NOX4: variants seen among roughly 807,000 people sequenced by gnomAD.
NOX4 encodes the protein kidney oxidase-1.
A neutral mutation model predicts 87.6 loss-of-function variants in NOX4; 69 were observed. The ratio of observed to expected loss-of-function variants is 0.79; its 90% CI spans 0.65 to 0.96. The LOEUF (loss-of-function observed/expected upper bound fraction) is 0.96. NOX4 is among the 40% of genes least tolerant of loss of function. The pLI, the probability that NOX4 is intolerant of heterozygous loss-of-function variation, is 0.00. For synonymous variants in NOX4, 275 were observed against 238.2 expected (o/e 1.15, Z -1.42); for missense variants, 680 against 681.5 (o/e 1.00, Z 0.02).
upstream of NOX4, chr11:89,491,474 T>G (rs1365889972): frequency 1.2e-5 from 6 of 509,662 alleles, no homozygotes; most frequent in Non-Finnish European, 2.1e-5. Flanking sequence ...CCGGGTCAGC[T>G]CTGCCCACTC....
chr11:89,403,640 G>A (rs1190843356), intron 8 of NOX4, among the ~76,000 whole-genome samples: 1 of 152,100 alleles, frequency 6.6e-6, no homozygotes, highest in Non-Finnish European at 1.5e-5. Context: ...TACTTGGGAG[G>A]CTGAGGCAGG....
At chr11:89,574,081 T>C in the NOX4 span, among the ~76,000 whole-genome samples, 1 of 152,088 alleles carries the variant, frequency 6.6e-6, no homozygotes, top group Non-Finnish European at 1.5e-5. Flanking sequence ...GGTAAGGAGG[T>C]TGTCTCTCCC....
intron 8 of NOX4, among the ~76,000 whole-genome samples, chr11:89,403,960 A>G (rs1184896567): frequency 6.6e-6 from 1 of 151,984 alleles, no homozygotes; most frequent in Non-Finnish European, 1.5e-5. Flanking sequence ...CTTCCTTAAA[A>G]CTAGTCATCA....
At chr11:89,368,846 T>C (rs1182143501) in intron 12 of NOX4, among the ~76,000 whole-genome samples, 1 of 152,042 alleles carries the variant, frequency 6.6e-6, no homozygotes, top group Non-Finnish European at 1.5e-5. Context: ...TCTCAAGCCC[T>C]AGGAGGTAAC....
the NOX4 span, among the ~76,000 whole-genome samples, chr11:89,562,713 C>T: frequency 6.6e-6 from 1 of 152,110 alleles, no homozygotes; most frequent in Non-Finnish European, 1.5e-5. Context: ...GAAGAATGGG[C>T]TCCTCCTTCT....
the NOX4 span, among the ~76,000 whole-genome samples, chr11:89,576,224 A>C: frequency 1.3e-5 from 2 of 152,338 alleles, no homozygotes; most frequent in East Asian, 1.9e-4. Context: ...AGGGAAAAAC[A>C]ATGTGAGCAT....
intron 13 of NOX4, among the ~76,000 whole-genome samples, chr11:89,350,160 C>T (rs147387618): frequency 6.6e-6 from 1 of 152,244 alleles, no homozygotes; most frequent in East Asian, 1.9e-4. Context: ...AGAATGGATG[C>T]CCTGGCTTTG....
At chr11:89,408,686 G>A (rs1156554428) in intron 8 of NOX4, among the ~76,000 whole-genome samples, 1 of 152,170 alleles carries the variant, frequency 6.6e-6, no homozygotes, top group East Asian at 1.9e-4. Context: ...CAGGAATTGT[G>A]TCTAGCTCTT....
intron 15 of NOX4, among the ~76,000 whole-genome samples, chr11:89,339,447 A>G (rs1416667832): frequency 6.6e-6 from 1 of 152,160 alleles, no homozygotes; most frequent in Non-Finnish European, 1.5e-5. Context: ...GTAAGAGAGG[A>G]TTTTACTTTA....
At chr11:89,563,185 T>C in the NOX4 span, among the ~76,000 whole-genome samples, 133 of 152,304 alleles carry the variant, frequency 8.7e-4, 1 homozygote, top group African/African-American at 3.2e-3. Context: ...GACTAATACA[T>C]AATAATATTC....
chr11:89,462,924 G>C (rs1945535060), intron 2 of NOX4, among the ~76,000 whole-genome samples: 1 of 151,744 alleles, frequency 6.6e-6, no homozygotes, highest in Admixed American at 6.6e-5. Flanking sequence ...ATCTTTTGCA[G>C]GAAGAGAGAA....
At chr11:89,436,912 T>C (rs971103064) in intron 6 of NOX4, among the ~76,000 whole-genome samples, 7 of 152,104 alleles carry the variant, frequency 4.6e-5, no homozygotes, top group Non-Finnish European at 1.0e-4. Flanking sequence ...GCCACTATAT[T>C]TTATGTCACT....
At position 89,342,208 on chromosome 11, in the gene NOX4, G is replaced by T. The variant is rs35596525; in HGVS notation, c.1218-15C>A. The T allele has an allele frequency of 3.3e-3, 5,255 of 1,587,622 alleles. 20 individuals carry two copies. The highest frequency in any genetic ancestry group is 0.014 in the Middle Eastern group (81 of 5,908). Reference sequence around the variant, plus strand: ...CAATATACAGCCTGTAGAGCAGTCAGAAAAAGGTGGGAAAAAAATGAAAAT... The same window carrying T: ...CAATATACAGCCTGTAGAGCAGTCATAAAAAGGTGGGAAAAAAATGAAAAT... On this transcript the variant is annotated splice_polypyrimidine_tract_variant and intron_variant, in intron 13 of 17. Transcript: ENST00000263317.
intron 2 of NOX4, among the ~76,000 whole-genome samples, chr11:89,473,282 A>G (rs11018627): frequency 0.19 from 28,458 of 152,042 alleles, 3,954 homozygotes; most frequent in African/African-American, 0.38. Context: ...TGTCTCCTAC[A>G]TCATGGGTTC....
the NOX4 span, among the ~76,000 whole-genome samples, chr11:89,549,180 A>G: frequency 6.6e-6 from 1 of 152,172 alleles, no homozygotes; most frequent in Non-Finnish European, 1.5e-5. Flanking sequence ...GATTTTTTAG[A>G]TTATTTACTA....
At chr11:89,373,277 CAAAAAAA>C (rs144113376) in intron 12 of NOX4, among the ~76,000 whole-genome samples, 148 bp downstream of exon 12, 2 of 59,100 alleles carry the variant, frequency 3.4e-5, no homozygotes, top group Admixed American at 2.3e-4. Context: ...ACTGTACAAG[CAAAAAAA>C]AAAAAAAAAA....
At chr11:89,431,841 C>A (rs995033862) in intron 7 of NOX4, among the ~76,000 whole-genome samples, 8 of 152,078 alleles carry the variant, frequency 5.3e-5, no homozygotes, top group South Asian at 2.1e-4. Flanking sequence ...CCCAGCCATC[C>A]CATTACTGGG....
At chr11:89,547,807 C>G in the NOX4 span, among the ~76,000 whole-genome samples, 2 of 151,978 alleles carry the variant, frequency 1.3e-5, no homozygotes, top group South Asian at 4.1e-4. Flanking sequence ...TAAAGTATAG[C>G]TGTGGTTGAG....
chr11:89,359,598 T>G lies in NOX4; in HGVS notation c.1136-4555A>C, dbSNP rs760981214. 4.0e-4 allele frequency among the ~76,000 whole-genome samples: 61 copies of G among 151,992 alleles called. 1 individual carries two copies. Among genetic ancestry groups the G allele is most frequent in the Admixed American group, 7.2e-4 (11 of 15,224 alleles). On this transcript the variant is annotated intron_variant, in intron 12 of 17. Coordinates refer to ENST00000263317, the MANE Select transcript of NOX4 (RefSeq NM_016931.5). ...CTATTCTTGTATAACCTAAAGATCC[T>G]TTGCATCTAGAGATGTGATCACTGT...
Sources: allele counts gnomAD v4.1 joint callset (sites outside exome capture counted in the v4.1 genomes callset), GRCh38; gene constraint gnomAD v4.1.1; transcripts MANE v1.5; gene names NCBI Gene and HGNC (gene_info 2026-07-23, HGNC 2026-07-21).